The following RARB variants were observed in gnomAD, a reference collection of about 807,000 sequenced individuals.
The protein encoded by RARB is HBV-activated protein.
RARB carries 17 observed loss-of-function variants against 51.9 expected under a neutral mutation model. The observed-to-expected ratio is 0.33, with a 90% CI of 0.22 to 0.49. The LOEUF is 0.49. Ranked by LOEUF, RARB falls within the 20% of genes least tolerant of loss-of-function variation. The pLI is 0.99. For synonymous variants in RARB, 215 were observed against 195.4 expected, an observed-to-expected ratio of 1.10 and a Z score of -0.84; for missense variants, 369 against 550.8, an observed-to-expected ratio of 0.67 and a Z score of 3.30.
chr3:25,101,120 G>T (rs1339261222), intron 3 of RARB, among the ~76,000 whole-genome samples: 2 of 152,118 alleles, frequency 1.3e-5, no homozygotes, highest in African/African-American at 4.8e-5. Flanking sequence ...TTACTGACAG[G>T]TCTTGGGTCT....
At chr3:25,500,454 GTTTTTTTTTTT>G (rs753321842) in intron 2 of RARB, among the ~76,000 whole-genome samples, 157 of 66,144 alleles carry the variant, frequency 2.4e-3, no homozygotes, top group Admixed American at 6.4e-3. Context: ...TTCTTTTCTT[GTTTTTTTTTTT>G]TTTTTTTTTT....
At chr3:24,838,426 C>T (rs1023638661) in intron 1 of RARB, among the ~76,000 whole-genome samples, 2 of 152,096 alleles carry the variant, frequency 1.3e-5, no homozygotes, top group African/African-American at 4.8e-5. Flanking sequence ...TTTTGCTTAC[C>T]AGGGCCCATG....
intron 2 of RARB, among the ~76,000 whole-genome samples, chr3:24,974,503 C>T (rs956069440): frequency 1.3e-5 from 2 of 152,020 alleles, no homozygotes; most frequent in Admixed American, 6.6e-5. Context: ...TGTTAAAATA[C>T]ATGATCCAAC....
At chr3:25,202,857 A>G (rs1330163307) in intron 5 of RARB, among the ~76,000 whole-genome samples, 3 of 152,138 alleles carry the variant, frequency 2.0e-5, no homozygotes, top group African/African-American at 4.8e-5. Flanking sequence ...CCTTCCAACT[A>G]TGTGGTCAAT....
intron 5 of RARB, among the ~76,000 whole-genome samples, chr3:25,228,217 GTTTTT>G (rs55796125): frequency 1.9e-4 from 20 of 105,602 alleles, no homozygotes; most frequent in African/African-American, 7.6e-4. Context: ...GACTTTGAGG[GTTTTT>G]TTTTTTTTTT....
At chr3:24,864,204 T>A (rs1038280963) in intron 2 of RARB, among the ~76,000 whole-genome samples, 1 of 152,164 alleles carries the variant, frequency 6.6e-6, no homozygotes, top group African/African-American at 2.4e-5. Context: ...GGCATTCAAG[T>A]TGTATAACAC....
intron 5 of RARB, among the ~76,000 whole-genome samples, chr3:25,261,658 G>C (rs989951326): frequency 2.0e-5 from 3 of 152,096 alleles, no homozygotes; most frequent in Non-Finnish European, 4.4e-5. Context: ...GGTCATCCCA[G>C]ATCATCCCAA....
chr3:25,164,869 T>C (rs1222045848), intron 4 of RARB, among the ~76,000 whole-genome samples: 2 of 152,194 alleles, frequency 1.3e-5, no homozygotes, highest in African/African-American at 4.8e-5. Flanking sequence ...TGTGTCTCTG[T>C]CTTGCTCTTT....
intron 2 of RARB, among the ~76,000 whole-genome samples, chr3:24,884,126 T>C (rs556991503): frequency 2.6e-5 from 4 of 152,260 alleles, no homozygotes; most frequent in African/African-American, 9.6e-5. Flanking sequence ...ACAGCTCCAA[T>C]AAAACTTTTA....
chr3:25,509,050 G>A (rs562554860), intron 3 of RARB, among the ~76,000 whole-genome samples: 1 of 152,192 alleles, frequency 6.6e-6, no homozygotes, highest in South Asian at 2.1e-4. Flanking sequence ...TCCTGGAGAG[G>A]GGACACTCAG....
At chr3:25,513,944 A>G (rs1159099207) in intron 3 of RARB, among the ~76,000 whole-genome samples, 1 of 152,212 alleles carries the variant, frequency 6.6e-6, no homozygotes, top group Non-Finnish European at 1.5e-5. Context: ...TTAAATAGAC[A>G]TTGATAAAAC....
At chr3:24,896,909 T>G (rs909024752) in intron 2 of RARB, among the ~76,000 whole-genome samples, 1 of 152,214 alleles carries the variant, frequency 6.6e-6, no homozygotes, top group Admixed American at 6.5e-5. Context: ...CACATTAAAC[T>G]TGCCCAGAAG....
chr3:25,419,516 G>A (rs75992277), intron 5 of RARB, among the ~76,000 whole-genome samples: 2,822 of 152,232 alleles, frequency 0.019, 30 homozygotes, highest in Middle Eastern at 0.037. Flanking sequence ...GAGAGTATCT[G>A]TCATACCAAG....
chr3:25,442,324 C>T (rs946155219), intron 1 of RARB, among the ~76,000 whole-genome samples: 5 of 151,942 alleles, frequency 3.3e-5, no homozygotes, highest in African/African-American at 1.2e-4. Context: ...TTAGTAGAGA[C>T]GGGGTTTCAT....
intron 5 of RARB, among the ~76,000 whole-genome samples, chr3:25,246,132 CTTCACAAAG>C (rs1164468978): frequency 6.6e-6 from 1 of 151,956 alleles, no homozygotes; most frequent in Non-Finnish European, 1.5e-5. Context: ...GTTGTGTATG[CTTCACAAAG>C]TTCTTGTGCT....
chr3:25,106,243 G>A (rs1175535385), intron 3 of RARB, among the ~76,000 whole-genome samples: 2 of 46,242 alleles, frequency 4.3e-5, no homozygotes, highest in East Asian at 4.2e-3. Context: ...TTCAAAGGGT[G>A]GTTTCTCGGA....
intron 5 of RARB, among the ~76,000 whole-genome samples, chr3:25,313,676 G>A (rs1704345490): frequency 6.6e-6 from 1 of 152,188 alleles, no homozygotes; most frequent in African/African-American, 2.4e-5. Context: ...AGCAGGTTTG[G>A]AGGATCTAAG....
intron 2 of RARB, among the ~76,000 whole-genome samples, chr3:24,912,809 T>C (rs1335749497): frequency 6.6e-6 from 1 of 152,082 alleles, no homozygotes; most frequent in Non-Finnish European, 1.5e-5. Flanking sequence ...ATCTCAGTTT[T>C]TCTATCCTTG....
At chr3:24,912,046 G>C (rs965799136) in intron 2 of RARB, among the ~76,000 whole-genome samples, 6 of 152,180 alleles carry the variant, frequency 3.9e-5, no homozygotes, top group African/African-American at 1.4e-4. Context: ...ACCATTTTTA[G>C]CGACATTTAC....
Sources: gnomAD v4.1 joint callset for allele counts (sites outside exome capture counted in the v4.1 genomes callset) on GRCh38, gnomAD v4.1.1 for gene constraint, MANE v1.5 for transcripts, NCBI Gene and HGNC (gene_info 2026-07-23, HGNC 2026-07-21) for gene names.